Variants in ICA1 observed in about 807,000 individuals in gnomAD.
The protein encoded by ICA1 is islet cell autoantigen 1, also known as 69 kDa islet cell autoantigen.
ICA1 carries 40 observed loss-of-function variants against 71.0 expected under a neutral mutation model. That is an observed-to-expected ratio of 0.56 (90% CI 0.44 to 0.73). The LOEUF is 0.73. Ranked by LOEUF, ICA1 falls within the 30% of genes least tolerant of loss-of-function variation. The probability of loss-of-function intolerance (pLI) is 0.00; values close to 1 mark genes in which losing one functional copy is unlikely to be tolerated. For synonymous variants in ICA1, 207 were observed against 209.5 expected, an observed-to-expected ratio of 0.99 and a Z score of 0.10; for missense variants, 578 against 576.5, an observed-to-expected ratio of 1.00 and a Z score of -0.03.
intron 12 of ICA1, among the ~76,000 whole-genome samples, chr7:8,133,337 C>T (rs1792174288): frequency 6.6e-6 from 1 of 152,116 alleles, no homozygotes; most frequent in African/African-American, 2.4e-5. Flanking sequence ...CTCTGTCATC[C>T]AGGCTGGAGT....
At chr7:8,239,812 GAT>G (rs1212186501) in intron 1 of ICA1, among the ~76,000 whole-genome samples, 1 of 152,228 alleles carries the variant, frequency 6.6e-6, no homozygotes, top group African/African-American at 2.4e-5. Flanking sequence ...AGCAGTCTGA[GAT>G]AGAACTGCGA....
chr7:8,254,260 C>T (rs2128541257), intron 1 of ICA1, among the ~76,000 whole-genome samples: 1 of 152,150 alleles, frequency 6.6e-6, no homozygotes, highest in Middle Eastern at 3.4e-3. Flanking sequence ...TGTAAACAAA[C>T]CACCACAGCT....
At chr7:8,175,930 C>G (rs1780484468) in intron 6 of ICA1, among the ~76,000 whole-genome samples, 2 of 152,206 alleles carry the variant, frequency 1.3e-5, no homozygotes, top group Admixed American at 1.3e-4. Flanking sequence ...ATCCCCCGCT[C>G]CTGCCTCGTC....
intron 8 of ICA1, among the ~76,000 whole-genome samples, chr7:8,151,522 G>T (rs1178211072): frequency 2.0e-5 from 3 of 152,212 alleles, no homozygotes; most frequent in Non-Finnish European, 4.4e-5. Flanking sequence ...TAATGACAAT[G>T]AGAGAAAACT....
intron 6 of ICA1, among the ~76,000 whole-genome samples, chr7:8,163,073 T>C (rs990685209): frequency 6.6e-6 from 1 of 152,216 alleles, no homozygotes; most frequent in Non-Finnish European, 1.5e-5. Flanking sequence ...CTAATGGCCA[T>C]GTATTTTAGA....
chr7:8,246,236 C>T (rs1427359585), intron 1 of ICA1, among the ~76,000 whole-genome samples: 4 of 152,174 alleles, frequency 2.6e-5, no homozygotes, highest in Non-Finnish European at 5.9e-5. Flanking sequence ...ACAACTTGAT[C>T]GCATGAATGT....
intron 6 of ICA1, among the ~76,000 whole-genome samples, chr7:8,205,430 G>T (rs908111794): frequency 2.0e-5 from 3 of 152,178 alleles, no homozygotes; most frequent in Admixed American, 2.0e-4. Context: ...TGTGTTCCCA[G>T]TCATACCTGA....
chr7:8,183,430 A>AT (rs1172758825), intron 6 of ICA1, among the ~76,000 whole-genome samples: 1 of 152,218 alleles, frequency 6.6e-6, no homozygotes, highest in African/African-American at 2.4e-5. Flanking sequence ...ACTGATGTGT[A>AT]TATGTTAGAG....
chr7:8,163,934 G>A (rs1449362545), intron 6 of ICA1, among the ~76,000 whole-genome samples: 6 of 152,146 alleles, frequency 3.9e-5, no homozygotes, highest in African/African-American at 7.2e-5. Context: ...AAGCAAGGAA[G>A]AGAGAGGATC....
intron 10 of ICA1, among the ~76,000 whole-genome samples, chr7:8,141,500 G>A (rs192017217): frequency 2.0e-5 from 3 of 152,296 alleles, no homozygotes; most frequent in East Asian, 1.9e-4. Context: ...AGTTCCCATC[G>A]TGGCTGCCCC....
chr7:8,194,913 G>C (rs529977310), intron 6 of ICA1, among the ~76,000 whole-genome samples: 1 of 152,024 alleles, frequency 6.6e-6, no homozygotes, highest in Non-Finnish European at 1.5e-5. Flanking sequence ...TTTTTATGTT[G>C]AGTTGAAATA....
At chr7:8,261,444 G>A (rs1812342070) in intron 1 of ICA1, among the ~76,000 whole-genome samples, 1 of 152,198 alleles carries the variant, frequency 6.6e-6, no homozygotes, top group African/African-American at 2.4e-5. Context: ...AAGGAAACGG[G>A]CGCGCCAGGG....
intron 2 of ICA1, among the ~76,000 whole-genome samples, chr7:8,233,672 A>C (rs2128465299): frequency 6.6e-6 from 1 of 152,262 alleles, no homozygotes; most frequent in East Asian, 1.9e-4. Context: ...CTGGGATTAC[A>C]GATATGAGCC....
In ICA1 at chr7:8,175,107, T is replaced by A. The variant is rs182793916; in HGVS notation, c.580-16455A>T. 2.5e-3 allele frequency among the ~76,000 whole-genome samples: 383 copies of A among 151,598 alleles called. 2 individuals carry two copies. The highest frequency in any genetic ancestry group is 8.9e-3 in the African/African-American group (366 of 41,248). ...GTAAGGAAAACGAGGTGGGGCTGAGTGAGAGGTTGAAAAGAATGTGGGGGA... is the reference window on the plus strand; with the variant it reads ...GTAAGGAAAACGAGGTGGGGCTGAGAGAGAGGTTGAAAAGAATGTGGGGGA... On this transcript the variant is annotated intron_variant, in intron 6 of 13. Transcript: ENST00000402384.
chr7:8,127,326 T>C lies in ICA1; in HGVS notation c.1330+547A>G, dbSNP rs550690018. Among the ~76,000 whole-genome samples the C allele has an allele frequency of 1.3e-3, 191 of 152,128 alleles. 1 individual carries two copies. Among genetic ancestry groups the C allele is most frequent in the African/African-American group, 4.3e-3 (179 of 41,480 alleles). ...TCTTCTGATCAGTGTGGAAACTCTA[T>C]TTTTTCTGTGGCTGAGGAGGTAATG... On this transcript the variant is annotated intron_variant, in intron 13 of 13. Transcript: ENST00000402384.
chr7:8,187,512 C>A (rs1022346682), intron 6 of ICA1, among the ~76,000 whole-genome samples: 1 of 152,216 alleles, frequency 6.6e-6, no homozygotes, highest in African/African-American at 2.4e-5. Flanking sequence ...TTACTGTACA[C>A]TACTTTAGAC....
intron 12 of ICA1, among the ~76,000 whole-genome samples, chr7:8,136,494 C>G (rs1250450875): frequency 1.3e-5 from 2 of 152,180 alleles, no homozygotes; most frequent in East Asian, 3.8e-4. Context: ...ACCACAAGTT[C>G]TCTGTGCACT....
At chr7:8,145,953 C>T (rs1375993643) in intron 8 of ICA1, among the ~76,000 whole-genome samples, 1 of 151,964 alleles carries the variant, frequency 6.6e-6, no homozygotes, top group Non-Finnish European at 1.5e-5. Flanking sequence ...AAGTGGAACC[C>T]AGGTCTTCTC....
intron 8 of ICA1, among the ~76,000 whole-genome samples, chr7:8,148,957 C>T (rs900107531): frequency 4.6e-5 from 7 of 152,202 alleles, no homozygotes; most frequent in South Asian, 2.1e-4. Context: ...GGATCACAAA[C>T]GCTCAACTCG....
Sources: allele counts gnomAD v4.1 joint callset (sites outside exome capture counted in the v4.1 genomes callset), GRCh38; gene constraint gnomAD v4.1.1; transcripts MANE v1.5; gene names NCBI Gene and HGNC (gene_info 2026-07-23, HGNC 2026-07-21).